The following CSF2RB variants were observed in gnomAD, a reference collection of about 807,000 sequenced individuals.
CSF2RB encodes the protein cytokine receptor common subunit beta.
In CSF2RB, 22 loss-of-function variants were observed where a neutral mutation model predicts 67.2. That is an observed-to-expected ratio of 0.33 (90% CI 0.23 to 0.47). The LOEUF (loss-of-function observed/expected upper bound fraction) is 0.47, where lower values mean the gene tolerates loss of function less well. CSF2RB is among the 20% of genes least tolerant of loss of function. The pLI is 1.00. For missense variants in CSF2RB, 1,113 were observed against 1,174.5 expected (o/e 0.95, Z 0.76); for synonymous variants, 507 against 482.9 (o/e 1.05, Z -0.65).
At chr22:36,933,795 C>T in intron 9 of CSF2RB, 37 bp from the exon 10 acceptor site, 1 of 1,585,304 alleles carries the variant, frequency 6.3e-7, no homozygotes, top group African/African-American at 1.3e-5. Flanking sequence ...CTCCCACGGG[C>T]ACCGGGCCAG....
Position 36,935,281 on chromosome 22 carries a change from C to T in CSF2RB, c.1316-70C>T, listed in dbSNP as rs1941242290. The T allele has an allele frequency of 3.5e-6, 5 of 1,439,782 alleles. No homozygotes were observed. The South Asian group carries it at 5.8e-5, about 17-fold the overall frequency. The allele number at this position is 1,439,782 out of a possible 1,614,324, so 89.2% of individuals were successfully genotyped here. A position where few individuals can be genotyped will look rare whatever the true frequency, so the allele number is the denominator to read the frequency against. ...GGTCTTAAGGAATACTGCACCAACC[C>T]CACTCCCTGCCCTGAGGTCGATTTC... On this transcript the variant is annotated intron_variant, in intron 10 of 13. Coordinates refer to ENST00000403662, the MANE Select transcript of CSF2RB (RefSeq NM_000395.3).
At chr22:36,935,496 G>C (rs1175065353) in intron 11 of CSF2RB, 55 bp downstream of exon 11, 2 of 1,607,170 alleles carry the variant, frequency 1.2e-6, no homozygotes, top group African/African-American at 2.7e-5. Flanking sequence ...AGGGCACTGG[G>C]GAATCCCACC....
rs1017720140 is a variant in CSF2RB at position 36,937,262 on chromosome 22, C to G, written c.1569-115C>G. ...CCCGTTCAGGTTCTCTCTGTGAGAT[C>G]TGGGGGACATCAGGGCTTCCAGAGA... is the stretch of plus-strand genomic sequence containing the variant. On this transcript the variant is annotated intron_variant, in intron 13 of 13. Transcript: ENST00000403662. The surrounding 1 kb of genome is among the most constrained non-coding windows in gnomAD (Gnocchi z 4.6). The G allele has an allele frequency of 5.3e-6, 7 of 1,315,140 alleles. No homozygotes were observed. Among genetic ancestry groups the G allele is most frequent in the South Asian group, 3.7e-5 (3 of 80,754 alleles). The allele number at this position is 1,315,140 out of a possible 1,614,324, so 81.5% of individuals were successfully genotyped here.
In CSF2RB at chr22:36,923,325, C is replaced by T. The variant is rs1288178821; in HGVS notation, c.158C>T (p.Ala53Val). Residue 53 changes from alanine (A) to valine (V), a missense_variant, in exon 3 of 14, where the codon GCC (alanine) becomes GTC (valine). Physicochemically the swap from Ala to Val is moderately conservative, Grantham distance 64. Around this residue, in one of 2 missense-constraint regions of CSF2RB, gnomAD observed 559 missense variants for 656.5 expected, o/e 0.85. Coordinates refer to ENST00000403662, the MANE Select transcript of CSF2RB (RefSeq NM_000395.3). ...TGCAGGTGGGCAGACACCCAGGATGCCCAGCGGCTCGTCAACGTGACCCTC... is the reference window on the plus strand; with the variant it reads ...TGCAGGTGGGCAGACACCCAGGATGTCCAGCGGCTCGTCAACGTGACCCTC... The part of the protein sequence containing the change: ...ITCRWADTQD[A>V]QRLVNVTLIR... 2 of 1,614,172 alleles carry T rather than the reference C, an allele frequency of 1.2e-6. No homozygotes were observed. The highest frequency in any genetic ancestry group is 1.7e-6 in the Non-Finnish European group (2 of 1,180,022).
chr22:36,923,000 C>T (rs1054933583), intron 2 of CSF2RB, among the ~76,000 whole-genome samples: 5 of 152,146 alleles, frequency 3.3e-5, no homozygotes, highest in African/African-American at 9.7e-5. Flanking sequence ...CAGCACACTG[C>T]GGAGGCCCAG....
chr22:36,921,067 T>C (rs4820262), intron 1 of CSF2RB, among the ~76,000 whole-genome samples: 66,288 of 151,260 alleles, frequency 0.44, 16,463 homozygotes, highest in Admixed American at 0.58. Context: ...TGCGAGTGTG[T>C]ATGTGTGTGT....
At position 36,938,874 on chromosome 22, in the gene CSF2RB, G is replaced by A; in HGVS notation, c.*372G>A. ...TTCACTGATTTATTATGAGAGTGGG[G>A]CTGAGGTCTGAGCTGAGCCTTATCA... On this transcript the variant is annotated 3_prime_UTR_variant, in exon 14 of 14. Coordinates refer to ENST00000403662, the MANE Select transcript of CSF2RB (RefSeq NM_000395.3). The A allele has an allele frequency of 1.8e-6, 1 of 555,236 alleles. No individual in the cohort carries two copies. The highest frequency in any genetic ancestry group is 2.7e-5 in the South Asian group (1 of 37,596). 34.4% of individuals were successfully genotyped at this position (555,236 alleles called of 1,614,324 possible). A position where few individuals can be genotyped will look rare whatever the true frequency, so the allele number is the denominator to read the frequency against.
Position 36,939,135 on chromosome 22 carries a change from G to C in CSF2RB, c.*633G>C, listed in dbSNP as rs368017155. On this transcript the variant is annotated 3_prime_UTR_variant, in exon 14 of 14. Transcript: ENST00000403662. ...AAATGGGCATGGTATTGGGGGTCGG[G>C]GGGGCGGTGCAAGGGACGCACATGA... 4 of 702,200 alleles carry C rather than the reference G, an allele frequency of 5.7e-6. No individual in the cohort carries two copies. Among genetic ancestry groups the C allele is most frequent in the Non-Finnish European group, 1.0e-5 (4 of 384,828 alleles). 43.5% of individuals were successfully genotyped at this position (702,200 alleles called of 1,614,324 possible).
At chr22:36,921,746 T>C (rs1476501484) in intron 1 of CSF2RB, among the ~76,000 whole-genome samples, 1 of 152,126 alleles carries the variant, frequency 6.6e-6, no homozygotes, top group East Asian at 1.9e-4. Context: ...CACTGTGGCA[T>C]CCAACAGCCG....
intron 12 of CSF2RB, 80 bp downstream of exon 12, chr22:36,935,767 C>A: frequency 6.8e-7 from 1 of 1,475,304 alleles, no homozygotes; most frequent in South Asian, 1.2e-5. Context: ...TCCTCCTTCC[C>A]TTCCTGTGGG....
rs1170794459 is a variant in CSF2RB, at chr22:36,939,203, A to G, written c.*701A>G. On this transcript the variant is annotated 3_prime_UTR_variant, in exon 14 of 14. Coordinates refer to ENST00000403662, the MANE Select transcript of CSF2RB (RefSeq NM_000395.3). Reference sequence around the variant, plus strand: ...TCTGGGGAGCCCTGCTAGTTGTCTCAGTGATGTCTGTGGGACCTCCAGTCC... The same window carrying G: ...TCTGGGGAGCCCTGCTAGTTGTCTCGGTGATGTCTGTGGGACCTCCAGTCC... 1.6e-5 allele frequency: 11 copies of G among 702,200 alleles called. No individual in the cohort carries two copies. The highest frequency in any genetic ancestry group is 2.9e-5 in the Non-Finnish European group (11 of 384,826). The allele number at this position is 702,200 out of a possible 1,614,324, so 43.5% of individuals were successfully genotyped here. A position where few individuals can be genotyped will look rare whatever the true frequency, so the allele number is the denominator to read the frequency against.
rs118138206 is a variant in CSF2RB at position 36,939,163 on chromosome 22, G to A, written c.*661G>A. On this transcript the variant is annotated 3_prime_UTR_variant, in exon 14 of 14. Transcript: ENST00000403662. ...GGCGGTGCAAGGGACGCACATGAGA[G>A]ACTGTTTGGGAGCTTCTGGGGAGCC... 1,656 of 702,312 alleles carry A rather than the reference G, an allele frequency of 2.4e-3. 20 individuals are homozygous for A. The East Asian group carries it at 0.03, about 13-fold the overall frequency. 43.5% of individuals were successfully genotyped at this position (702,312 alleles called of 1,614,324 possible). A position where few individuals can be genotyped will look rare whatever the true frequency, so the allele number is the denominator to read the frequency against.
chr22:36,922,408 C>G (rs926580765), intron 2 of CSF2RB, 125 bp downstream of exon 2: 8 of 857,300 alleles, frequency 9.3e-6, no homozygotes, highest in Non-Finnish European at 1.5e-5. Context: ...CCCTCTGTCT[C>G]TCCCCCTGGC....
intron 8 of CSF2RB, among the ~76,000 whole-genome samples, chr22:36,931,676 T>G (rs1248880043): frequency 6.6e-6 from 1 of 152,222 alleles, no homozygotes; most frequent in African/African-American, 2.4e-5. Flanking sequence ...AGATCAAGAT[T>G]AGAGTTCAGA....
At chr22:36,915,234 G>A (rs947174261) in intron 1 of CSF2RB, among the ~76,000 whole-genome samples, 4 of 151,956 alleles carry the variant, frequency 2.6e-5, no homozygotes, top group Non-Finnish European at 4.4e-5. Context: ...ACAGGCATGA[G>A]CCACCACACG....
rs534992155 is a variant in CSF2RB, at chr22:36,939,113, T to C, written c.*611T>C. The C allele has an allele frequency of 1.6e-5, 11 of 700,788 alleles. No individual in the cohort carries two copies. The highest frequency in any genetic ancestry group is 8.1e-5 in the East Asian group (3 of 37,256). 43.4% of individuals were successfully genotyped at this position (700,788 alleles called of 1,614,324 possible). A position where few individuals can be genotyped will look rare whatever the true frequency, so the allele number is the denominator to read the frequency against. ...TAGCCTCGATTGTCACTCCGAGAAA[T>C]GGGCATGGTATTGGGGGTCGGGGGG... On this transcript the variant is annotated 3_prime_UTR_variant, in exon 14 of 14. Coordinates refer to ENST00000403662, the MANE Select transcript of CSF2RB (RefSeq NM_000395.3).
At chr22:36,919,055 G>A (rs756413068) in intron 1 of CSF2RB, among the ~76,000 whole-genome samples, 32 of 152,142 alleles carry the variant, frequency 2.1e-4, no homozygotes, top group Non-Finnish European at 4.1e-4. Flanking sequence ...CATCTCCTTG[G>A]ATCACGTTTA....
chr22:36,934,910 C>A (rs1424845378), intron 10 of CSF2RB, among the ~76,000 whole-genome samples: 2 of 152,146 alleles, frequency 1.3e-5, no homozygotes, highest in Non-Finnish European at 2.9e-5. Context: ...CAGGGCTGGG[C>A]AGCAGGTGGG....
chr22:36,916,955 T>C (rs756825835), intron 1 of CSF2RB, among the ~76,000 whole-genome samples: 10 of 152,216 alleles, frequency 6.6e-5, no homozygotes, highest in Non-Finnish European at 1.3e-4. Context: ...CTGAGGGACA[T>C]TGACCACTGG....
Sources: allele counts gnomAD v4.1 joint callset (sites outside exome capture counted in the v4.1 genomes callset), GRCh38; gene constraint gnomAD v4.1.1; regional missense constraint gnomAD v4.1.1; non-coding constraint Gnocchi (gnomAD v3.1); transcripts MANE v1.5; gene names NCBI Gene and HGNC (gene_info 2026-07-23, HGNC 2026-07-21).